Variants in UNC5A observed in about 807,000 individuals in gnomAD.
The protein encoded by UNC5A is unc-5 netrin receptor A, also known as netrin receptor UNC5A.
A neutral mutation model predicts 87.4 loss-of-function variants in UNC5A; 20 were observed. That is an observed-to-expected ratio of 0.23 (90% CI 0.16 to 0.33). UNC5A has a LOEUF of 0.33. Among genes scored for constraint, UNC5A ranks in the 10% least tolerant of loss-of-function variants. The probability of loss-of-function intolerance (pLI) is 1.00; values close to 1 mark genes in which losing one functional copy is unlikely to be tolerated. For synonymous variants in UNC5A, 438 were observed against 482.3 expected, an observed-to-expected ratio of 0.91 and a Z score of 1.20; for missense variants, 844 against 1,133.4, an observed-to-expected ratio of 0.74 and a Z score of 3.67.
chr5:176,870,293 G>A (rs1758077786), intron 5 of UNC5A, 77 bp from the exon 6 acceptor site: 1 of 1,552,574 alleles, frequency 6.4e-7, no homozygotes, highest in Non-Finnish European at 8.7e-7. Context: ...GTTGCCCAGA[G>A]GGGCCACACT....
At chr5:176,860,962 C>T (rs1029893488) in intron 1 of UNC5A, among the ~76,000 whole-genome samples, 2 of 152,040 alleles carry the variant, frequency 1.3e-5, no homozygotes, top group African/African-American at 2.4e-5. Flanking sequence ...CAGGGAGGGC[C>T]GGCGACCCAG....
chr5:176,861,507 A>G (rs1376447380), intron 1 of UNC5A, among the ~76,000 whole-genome samples: 1 of 152,162 alleles, frequency 6.6e-6, no homozygotes, highest in Non-Finnish European at 1.5e-5. Context: ...CGCAAGCAGG[A>G]GCGAAAGGGG....
intron 1 of UNC5A, among the ~76,000 whole-genome samples, chr5:176,834,961 C>T (rs1376855286): frequency 6.6e-6 from 1 of 152,260 alleles, no homozygotes; most frequent in Non-Finnish European, 1.5e-5. Context: ...ATAGCTGGGC[C>T]AGAGGAGCTG....
chr5:176,822,870 C>T lies in UNC5A; in HGVS notation c.70+12050C>T, dbSNP rs149506939. The stretch of plus-strand genomic sequence containing the variant: ...ACAGGGCAGCCGGGAGGCGTGCAGC[C>T]CCGCTGGAGCAGACGGTGCCTGTGG... On this transcript the variant is annotated intron_variant, in intron 1 of 14. Coordinates refer to ENST00000329542, the MANE Select transcript of UNC5A (RefSeq NM_133369.3). Among the ~76,000 whole-genome samples the T allele has an allele frequency of 4.5e-3, 691 of 152,198 alleles. 3 individuals are homozygous for T. Among genetic ancestry groups the T allele is most frequent in the South Asian group, 8.5e-3 (41 of 4,806 alleles).
chr5:176,831,885 C>CTCTTTTTT (rs1561644956), intron 1 of UNC5A, among the ~76,000 whole-genome samples: 20 of 27,694 alleles, frequency 7.2e-4, no homozygotes, highest in African/African-American at 1.1e-3. Flanking sequence ...TTCTCTCTCT[C>CTCTTTTTT]TTTTTTTTTT....
intron 1 of UNC5A, among the ~76,000 whole-genome samples, chr5:176,821,279 G>A (rs1030236173): frequency 2.0e-5 from 3 of 152,192 alleles, no homozygotes; most frequent in African/African-American, 7.2e-5. Context: ...ATCTTTCTAT[G>A]TTGGGCATGT....
intron 6 of UNC5A, among the ~76,000 whole-genome samples, chr5:176,871,760 C>T (rs1207734356): frequency 1.6e-5 from 1 of 62,108 alleles, no homozygotes; most frequent in Non-Finnish European, 4.2e-5. Context: ...TCCCATCTGC[C>T]CACACTCGCC....
Position 176,875,237 on chromosome 5 carries a change from C to T in UNC5A, c.1378+671C>T, listed in dbSNP as rs1213993919. Reference sequence around the variant, plus strand: ...TGTCTGTGCAGATAACTCCCACTCCCCCATCCTTAGCCTGCAGTTCTCCCG... The same window carrying T: ...TGTCTGTGCAGATAACTCCCACTCCTCCATCCTTAGCCTGCAGTTCTCCCG... On this transcript the variant is annotated intron_variant, in intron 8 of 14. Coordinates refer to ENST00000329542, the MANE Select transcript of UNC5A (RefSeq NM_133369.3). This position sits in a 1 kb window ranked among gnomAD's most constrained non-coding sequence, Gnocchi z 5.2. Among the ~76,000 whole-genome samples the T allele has an allele frequency of 6.6e-6, 1 of 152,184 alleles. No homozygotes were observed. Among genetic ancestry groups the T allele is most frequent in the Non-Finnish European group, 1.5e-5 (1 of 68,030 alleles).
At chr5:176,862,196 G>A (rs112443010) in intron 1 of UNC5A, among the ~76,000 whole-genome samples, 1 of 152,220 alleles carries the variant, frequency 6.6e-6, no homozygotes, top group Non-Finnish European at 1.5e-5. Context: ...GGCCCCAGAG[G>A]CGGCCACTGG....
rs1162221032 is a variant in UNC5A, at chr5:176,838,906, T to C, written c.71-23718T>C. On this transcript the variant is annotated intron_variant, in intron 1 of 14. Transcript: ENST00000329542. This position sits in a 1 kb window ranked among gnomAD's most constrained non-coding sequence, Gnocchi z 4.2. The stretch of plus-strand genomic sequence containing the variant: ...AATCAGGGTCCATCCCTGAAGCTGG[T>C]AGGGGTCATTTCCACTCAAACCACA... Among the ~76,000 whole-genome samples the C allele has an allele frequency of 2.0e-5, 3 of 152,210 alleles. No individual in the cohort carries two copies. Among genetic ancestry groups the C allele is most frequent in the African/African-American group, 7.2e-5 (3 of 41,450 alleles).
At chr5:176,829,510 G>A (rs1374768146) in intron 1 of UNC5A, among the ~76,000 whole-genome samples, 7 of 149,442 alleles carry the variant, frequency 4.7e-5, no homozygotes, top group Non-Finnish European at 8.9e-5. Flanking sequence ...GGATAAAGTG[G>A]GTGGATGGGT....
chr5:176,849,942 G>A (rs557509028), intron 1 of UNC5A, among the ~76,000 whole-genome samples: 1 of 152,162 alleles, frequency 6.6e-6, no homozygotes, highest in Non-Finnish European at 1.5e-5. Flanking sequence ...ACTGGCCCCC[G>A]ACTTGCCAGC....
intron 1 of UNC5A, among the ~76,000 whole-genome samples, chr5:176,826,672 G>C (rs1437392572): frequency 1.9e-5 from 2 of 105,002 alleles, no homozygotes; most frequent in Non-Finnish European, 3.6e-5. Flanking sequence ...AGACAGTCTT[G>C]CTCTGTTGCC....
At chr5:176,819,104 G>A (rs1756665386) in intron 1 of UNC5A, among the ~76,000 whole-genome samples, 1 of 152,150 alleles carries the variant, frequency 6.6e-6, no homozygotes, top group Non-Finnish European at 1.5e-5. Flanking sequence ...AGTTGGTTAA[G>A]ACAGGGCTCC....
intron 1 of UNC5A, among the ~76,000 whole-genome samples, chr5:176,852,935 G>A (rs1024403133): frequency 6.6e-6 from 1 of 152,246 alleles, no homozygotes; most frequent in Non-Finnish European, 1.5e-5. Context: ...GAGTAACCAA[G>A]TACACAAACA....
chr5:176,850,758 T>C (rs951714531), intron 1 of UNC5A, among the ~76,000 whole-genome samples: 2 of 152,082 alleles, frequency 1.3e-5, no homozygotes, highest in Non-Finnish European at 2.9e-5. Context: ...CTGTGGGCCA[T>C]TGTATGAGGA....
intron 1 of UNC5A, among the ~76,000 whole-genome samples, chr5:176,813,863 C>A (rs1756527740): frequency 6.6e-6 from 1 of 152,214 alleles, no homozygotes; most frequent in Non-Finnish European, 1.5e-5. Flanking sequence ...CTAGCTGCCA[C>A]TTGGGAATCT....
chr5:176,811,804 T>C (rs1048240733), intron 1 of UNC5A, among the ~76,000 whole-genome samples: 4 of 152,022 alleles, frequency 2.6e-5, no homozygotes, highest in Admixed American at 6.6e-5. Flanking sequence ...AATTCTCGAT[T>C]CTTGCTGCCC....
intron 1 of UNC5A, among the ~76,000 whole-genome samples, chr5:176,827,041 G>A (rs1047175078): frequency 5.9e-5 from 9 of 151,794 alleles, no homozygotes; most frequent in East Asian, 5.8e-4. Flanking sequence ...CTGTCTCTAC[G>A]GACTTGTCTA....
Sources: gnomAD v4.1 joint callset for allele counts (sites outside exome capture counted in the v4.1 genomes callset) on GRCh38, gnomAD v4.1.1 for gene constraint, Gnocchi (gnomAD v3.1) non-coding constraint, MANE v1.5 for transcripts, NCBI Gene and HGNC (gene_info 2026-07-23, HGNC 2026-07-21) for gene names.